Variants in CAMK1 observed in about 807,000 individuals in gnomAD.
The protein encoded by CAMK1 is calcium/calmodulin dependent protein kinase I.
A neutral mutation model predicts 49.1 loss-of-function variants in CAMK1; 39 were observed. The observed-to-expected ratio is 0.79, with a 90% confidence interval of 0.62 to 1.04. CAMK1 has a LOEUF of 1.04. CAMK1 is among the 50% of genes least tolerant of loss of function. The pLI, the probability that CAMK1 is intolerant of heterozygous loss-of-function variation, is 0.00. For missense variants in CAMK1, 457 were observed against 472.2 expected (o/e 0.97, Z 0.30); for synonymous variants, 192 against 185.2 (o/e 1.04, Z -0.30).
intron 5 of CAMK1, chr3:9,761,979 T>A: frequency 3.5e-6 from 2 of 567,134 alleles, no homozygotes; most frequent in South Asian, 4.2e-5. Flanking sequence ...AAACCTCAGG[T>A]GTGCACTGTA....
chr3:9,760,059 G>C (rs2077777535), intron 8 of CAMK1: 1 of 251,630 alleles, frequency 4.0e-6, no homozygotes, highest in Non-Finnish European at 7.9e-6. Context: ...TGGCCAAGAT[G>C]GTGAAACCTT....
chr3:9,763,011 C>G lies in CAMK1; in HGVS notation c.332G>C (p.Gly111Ala), dbSNP rs1284090262. 2 of 1,614,144 alleles carry G rather than the reference C, an allele frequency of 1.2e-6. No individual in the cohort carries two copies. Among genetic ancestry groups the G allele is most frequent in the Non-Finnish European group, 1.7e-6 (2 of 1,180,026 alleles). The change falls in exon 5 of 12, where the codon GGC becomes GCC. Residue 111 changes from glycine (G) to alanine (A), a missense_variant. Coordinates refer to ENST00000256460, the MANE Select transcript of CAMK1 (RefSeq NM_003656.5). Reference protein sequence around the residue: ...GELFDRIVEKGFYTERDASRL... With the variant: ...GELFDRIVEKAFYTERDASRL... ...GCTGGCGTCCCGCTCCGTGTAGAAG[C>G]CTTTTTCCACAATACGGTCAAAGAG...
chr3:9,767,781 C>A lies in CAMK1; in HGVS notation c.-32G>T. On this transcript the variant is annotated splice_region_variant and 5_prime_UTR_variant, in exon 2 of 12. Coordinates refer to ENST00000256460, the MANE Select transcript of CAMK1 (RefSeq NM_003656.5). The stretch of plus-strand genomic sequence containing the variant: ...CTGCCCCCCGACCACAGCCAGGGCT[C>A]CTGTAAGGAGAATGGAAGGAGGAGA... 1 of 1,612,908 alleles carries A rather than the reference C, an allele frequency of 6.2e-7. No homozygotes were observed. The highest frequency in any genetic ancestry group is 8.5e-7 in the Non-Finnish European group (1 of 1,179,652).
At chr3:9,766,637 C>T (rs780563313) in intron 2 of CAMK1, 81 of 1,050,878 alleles carry the variant, frequency 7.7e-5, no homozygotes, top group Non-Finnish European at 9.3e-5. Flanking sequence ...AACAAATAAA[C>T]TCATTTAACT....
intron 8 of CAMK1, 125 bp downstream of exon 8, chr3:9,760,531 A>G: frequency 2.1e-6 from 2 of 937,250 alleles, no homozygotes; most frequent in Non-Finnish European, 3.4e-6. Flanking sequence ...TCTGGTCTCG[A>G]AGACAGCTCT....
rs142164589 is a variant in CAMK1, at chr3:9,765,455, C to A, written c.215+304G>T. ...ACTTGAGGTAGGTCCAGAGACAACA[C>A]CAACTGAGATATGTGGGTCCAAGCC... is the stretch of plus-strand genomic sequence containing the variant. On this transcript the variant is annotated intron_variant, in intron 3 of 11. Coordinates refer to ENST00000256460, the MANE Select transcript of CAMK1 (RefSeq NM_003656.5). Among the ~76,000 whole-genome samples, 119 of 152,210 alleles carry A rather than the reference C, an allele frequency of 7.8e-4. 1 individual carries two copies. The highest frequency in any genetic ancestry group is 2.8e-3 in the African/African-American group (115 of 41,546).
chr3:9,762,939 A>G lies in CAMK1; in HGVS notation c.404T>C (p.Leu135Pro). Reference sequence around the variant, plus strand: ...CTTGAGATCCCGGTGTACAATGCCCAGGTCATGCAGGTATTTCACAGCATC... The same window carrying G: ...CTTGAGATCCCGGTGTACAATGCCCGGGTCATGCAGGTATTTCACAGCATC... ...VLDAVKYLHDLGIVHRDLKPE... is the reference protein window; with the variant it reads ...VLDAVKYLHDPGIVHRDLKPE... Residue 135 changes from leucine (L) to proline (P), a missense_variant, in exon 5 of 12, where the codon CTG (leucine) becomes CCG (proline). Coordinates refer to ENST00000256460, the MANE Select transcript of CAMK1 (RefSeq NM_003656.5). 1.2e-6 allele frequency: 2 copies of G among 1,614,162 alleles called. No homozygotes were observed. The highest frequency in any genetic ancestry group is 2.7e-5 in the African/African-American group (2 of 75,034).
chr3:9,758,361 A>G (rs760781335), intron 10 of CAMK1: 2 of 155,156 alleles, frequency 1.3e-5, no homozygotes, highest in Non-Finnish European at 2.9e-5. Flanking sequence ...CCCTGTGATA[A>G]CCATCTCAGT....
intron 1 of CAMK1, among the ~76,000 whole-genome samples, chr3:9,768,159 C>T (rs1441415721): frequency 1.3e-5 from 2 of 152,082 alleles, no homozygotes; most frequent in East Asian, 1.9e-4. Flanking sequence ...TCCCCAGAAC[C>T]AGTGATGTCC....
chr3:9,762,928 G>A lies in CAMK1; in HGVS notation c.415C>T (p.His139Tyr). 1 of 1,614,090 alleles carries A rather than the reference G, an allele frequency of 6.2e-7. No individual in the cohort carries two copies. Among genetic ancestry groups the A allele is most frequent in the Non-Finnish European group, 8.5e-7 (1 of 1,180,018 alleles). ...TTGAGCCCCACCTTGAGATCCCGGT[G>A]TACAATGCCCAGGTCATGCAGGTAT... ...VKYLHDLGIV[H>Y]RDLKPENLLY... Residue 139 changes from histidine to tyrosine, a missense_variant, in exon 5 of 12, where the codon CAC becomes TAC. Transcript: ENST00000256460.
At chr3:9,767,024 A>G (rs530036999) in intron 2 of CAMK1, among the ~76,000 whole-genome samples, 21 of 152,124 alleles carry the variant, frequency 1.4e-4, no homozygotes, top group African/African-American at 5.1e-4. Flanking sequence ...AAGCTCCATC[A>G]CACTCTACCT....
Position 9,761,635 on chromosome 3 carries a change from G to A in CAMK1, c.552C>T (p.Tyr184=), listed in dbSNP as rs145978414. The A allele has an allele frequency of 2.0e-5, 32 of 1,614,070 alleles. No individual in the cohort carries two copies. Among genetic ancestry groups the A allele is most frequent in the Admixed American group, 3.3e-5 (2 of 60,006 alleles). ...VLSTACGTPG[Y]VAPEVLAQKP... Reference sequence around the variant, plus strand: ...CCAGCCCAGGGCCCTCCGCACCCACGTATCCCGGAGTTCCACAGGCGGTGG... The same window carrying A: ...CCAGCCCAGGGCCCTCCGCACCCACATATCCCGGAGTTCCACAGGCGGTGG... The change falls in exon 6 of 12, where the codon TAC becomes TAT. Residue 184 remains tyrosine (Y), a synonymous_variant. Coordinates refer to ENST00000256460, the MANE Select transcript of CAMK1 (RefSeq NM_003656.5).
Position 9,766,277 on chromosome 3 carries a change from G to T in CAMK1, c.84-387C>A. On this transcript the variant is annotated intron_variant, in intron 2 of 11. Transcript: ENST00000256460. ...TGAGAAATGGCCAAATATATTTCCT[G>T]ATAACATTATGTGGCCCTCTGGATC... 4.3e-6 allele frequency: 3 copies of T among 703,738 alleles called. No homozygotes were observed. The South Asian group carries it at 4.5e-5, about 11-fold the overall frequency. The allele number at this position is 703,738 out of a possible 1,614,324, so 43.6% of individuals were successfully genotyped here.
chr3:9,765,424 A>C (rs1292407255), intron 3 of CAMK1, among the ~76,000 whole-genome samples: 2 of 152,022 alleles, frequency 1.3e-5, no homozygotes, highest in African/African-American at 4.8e-5. Flanking sequence ...TTAATATGTG[A>C]GGGGAACTTG....
At chr3:9,761,871 G>T in intron 5 of CAMK1, 114 bp from the exon 6 acceptor site, 1 of 1,453,594 alleles carries the variant, frequency 6.9e-7, no homozygotes, top group Non-Finnish European at 9.1e-7. Flanking sequence ...AGCCACTGTG[G>T]CTTCATGGCT....
intron 8 of CAMK1, 156 bp from the exon 9 acceptor site, chr3:9,759,906 G>A: frequency 8.2e-7 from 1 of 1,226,860 alleles, no homozygotes; most frequent in Non-Finnish European, 1.1e-6. Flanking sequence ...TCTTCTTCAG[G>A]CCCTCCCACC....
chr3:9,760,913 CTG>C, intron 7 of CAMK1, 145 bp from the exon 8 acceptor site: 1 of 1,235,400 alleles, frequency 8.1e-7, no homozygotes. Context: ...CTGCTCACTC[CTG>C]TTCTAGCTAC....
chr3:9,764,685 A>G (rs562722204), intron 3 of CAMK1, among the ~76,000 whole-genome samples: 89 of 131,482 alleles, frequency 6.8e-4, no homozygotes, highest in African/African-American at 2.5e-3. Context: ...CTGGAGTGTA[A>G]TGCACGGTGT....
At position 9,759,503 on chromosome 3, in the gene CAMK1, G is replaced by A; in HGVS notation, c.897C>T (p.Ala299=). 1.2e-6 allele frequency: 2 copies of A among 1,614,148 alleles called. No homozygotes were observed. Among genetic ancestry groups the A allele is most frequent in the Non-Finnish European group, 1.7e-6 (2 of 1,180,016 alleles). Residue 299 remains alanine, a synonymous_variant, in exon 10 of 12, where the codon GCC becomes GCT. Transcript: ENST00000256460. ...ATGGACTCACCTTCCACTTGCTCTT[G>A]GCAAAGTTCTTCTTGATCTGCTCAC... is the stretch of plus-strand genomic sequence containing the variant. The part of the protein sequence containing the change: ...SVSEQIKKNF[A]KSKWKQAFNA...
Sources: gnomAD v4.1 joint callset for allele counts (sites outside exome capture counted in the v4.1 genomes callset) on GRCh38, gnomAD v4.1.1 for gene constraint, MANE v1.5 for transcripts, NCBI Gene and HGNC (gene_info 2026-07-23, HGNC 2026-07-21) for gene names.